The following RBFOX1 variants were observed in gnomAD, a reference collection of about 807,000 sequenced individuals.
RBFOX1 encodes the protein RNA binding fox-1 homolog 1, also known as RNA binding protein fox-1 homolog 1.
RBFOX1 carries 8 observed loss-of-function variants against 57.7 expected under a neutral mutation model. The ratio of observed to expected loss-of-function variants is 0.14; its 90% confidence interval spans 0.08 to 0.25. RBFOX1 has a LOEUF of 0.25. RBFOX1 is among the 10% of genes least tolerant of loss of function. The pLI is 1.00. For missense variants in RBFOX1, 611 were observed against 548.5 expected (o/e 1.11, Z -1.14); for synonymous variants, 326 against 222.4 (o/e 1.47, Z -4.15).
intron 3 of RBFOX1, among the ~76,000 whole-genome samples, chr16:5,615,125 C>T (rs937830005): frequency 1.3e-5 from 2 of 152,198 alleles, no homozygotes; most frequent in African/African-American, 4.8e-5. Context: ...GCCTTGAACT[C>T]CTGGGCTTAA....
chr16:7,431,192 A>G (rs1476228904), intron 4 of RBFOX1: 1 of 152,066 alleles, frequency 6.6e-6, no homozygotes, highest in Non-Finnish European at 1.5e-5. Context: ...TAACTCTAAC[A>G]AGGGATCCTA....
At chr16:6,875,471 G>C (rs1251386308) in intron 3 of RBFOX1, among the ~76,000 whole-genome samples, 1 of 152,054 alleles carries the variant, frequency 6.6e-6, no homozygotes, top group Non-Finnish European at 1.5e-5. Context: ...GAGAGTCTTC[G>C]AATTTTTTGA....
At chr16:5,314,552 G>A (rs751133286) in intron 1 of RBFOX1, among the ~76,000 whole-genome samples, 5 of 152,058 alleles carry the variant, frequency 3.3e-5, no homozygotes, top group African/African-American at 4.8e-5. Context: ...CCAGGCTGGC[G>A]TGCAGTGGTG....
intron 4 of RBFOX1, among the ~76,000 whole-genome samples, chr16:7,065,077 T>C (rs1433155273): frequency 6.6e-6 from 1 of 152,218 alleles, no homozygotes; most frequent in East Asian, 1.9e-4. Context: ...TCACAGCGTG[T>C]TACTTGGTTT....
chr16:6,139,063 GTGT>G (rs1031915492), intron 1 of RBFOX1, among the ~76,000 whole-genome samples: 6 of 152,062 alleles, frequency 3.9e-5, no homozygotes, highest in African/African-American at 1.5e-4. Flanking sequence ...ACAGTTATTA[GTGT>G]TGTTTTTATT....
chr16:6,886,204 G>A (rs1315212327), intron 3 of RBFOX1, among the ~76,000 whole-genome samples: 3 of 151,922 alleles, frequency 2.0e-5, no homozygotes, highest in African/African-American at 4.8e-5. Context: ...TGGGATTACA[G>A]GCGTGTGCTA....
intron 4 of RBFOX1, among the ~76,000 whole-genome samples, chr16:7,147,963 A>G (rs952602941): frequency 2.6e-5 from 4 of 152,162 alleles, no homozygotes; most frequent in Non-Finnish European, 5.9e-5. Context: ...TCAAGGAGTA[A>G]TGCCTAGTTA....
At chr16:6,153,180 C>G (rs1210366753) in intron 1 of RBFOX1, among the ~76,000 whole-genome samples, 1 of 151,698 alleles carries the variant, frequency 6.6e-6, no homozygotes, top group Non-Finnish European at 1.5e-5. Flanking sequence ...TACCCTGAAT[C>G]CGATTTGTAG....
intron 2 of RBFOX1, among the ~76,000 whole-genome samples, chr16:6,496,364 G>C (rs1247010376): frequency 1.3e-5 from 2 of 152,194 alleles, no homozygotes; most frequent in Non-Finnish European, 2.9e-5. Flanking sequence ...TGAACAAGTG[G>C]ATTGGGAACC....
intron 3 of RBFOX1, among the ~76,000 whole-genome samples, chr16:5,628,838 T>C (rs2048419055): frequency 6.6e-6 from 1 of 152,200 alleles, no homozygotes. Flanking sequence ...TCTGTCCTAT[T>C]CTACATGGGC....
chr16:5,332,984 G>A (rs999925808), intron 1 of RBFOX1, among the ~76,000 whole-genome samples: 5 of 152,102 alleles, frequency 3.3e-5, no homozygotes, highest in Non-Finnish European at 7.4e-5. Flanking sequence ...TCAGGAGTTT[G>A]AGACCAGCCT....
intron 4 of RBFOX1, among the ~76,000 whole-genome samples, chr16:7,110,022 T>A (rs1308865947): frequency 6.6e-6 from 1 of 152,058 alleles, no homozygotes; most frequent in Admixed American, 6.6e-5. Flanking sequence ...GGAGGAGTTA[T>A]AATTCACCTG....
In RBFOX1 at chr16:5,587,900, G is replaced by A. The variant is rs7191649; in HGVS notation, c.259-11002G>A. ...TATCAACCTATGTCCTCATGATAAC[G>A]TGTGCGGGAATGCTCACAGTAACAT... On this transcript the variant is annotated intron_variant, in intron 2 of 2. Transcript: ENST00000585867. Among the ~76,000 whole-genome samples, 1,482 of 152,244 alleles carry A rather than the reference G, an allele frequency of 9.7e-3. 32 individuals are homozygous for A. The highest frequency in any genetic ancestry group is 0.035 in the African/African-American group (1,433 of 41,536).
intron 1 of RBFOX1, among the ~76,000 whole-genome samples, chr16:6,232,003 C>A (rs2097465401): frequency 6.6e-6 from 1 of 152,104 alleles, no homozygotes; most frequent in African/African-American, 2.4e-5. Context: ...CCCTCGTTTG[C>A]AATATTATTA....
chr16:6,644,645 C>G (rs1326617314), intron 2 of RBFOX1, among the ~76,000 whole-genome samples: 2 of 152,186 alleles, frequency 1.3e-5, no homozygotes, highest in East Asian at 1.9e-4. Context: ...CATGACAAGT[C>G]TAAGCATCCT....
chr16:6,898,416 T>C (rs2067513576), intron 3 of RBFOX1, among the ~76,000 whole-genome samples: 1 of 152,154 alleles, frequency 6.6e-6, no homozygotes, highest in South Asian at 2.1e-4. Context: ...CATTTCAGCT[T>C]GTTATGTGGC....
At chr16:7,142,754 A>G (rs976616683) in intron 4 of RBFOX1, among the ~76,000 whole-genome samples, 2 of 152,182 alleles carry the variant, frequency 1.3e-5, no homozygotes, top group African/African-American at 4.8e-5. Context: ...ACTGTTTTGT[A>G]TATGACATTC....
chr16:7,446,230 C>T (rs1186800369), intron 4 of RBFOX1, among the ~76,000 whole-genome samples: 1 of 152,176 alleles, frequency 6.6e-6, no homozygotes, highest in Non-Finnish European at 1.5e-5. Flanking sequence ...TGAGTCTCCC[C>T]AGACCCATGC....
intron 3 of RBFOX1, among the ~76,000 whole-genome samples, chr16:6,792,265 T>A (rs2083118192): frequency 6.6e-6 from 1 of 152,198 alleles, no homozygotes; most frequent in Non-Finnish European, 1.5e-5. Context: ...TTTGTAAGAA[T>A]TGTGAAGATT....
Sources: gnomAD v4.1 joint callset for allele counts (sites outside exome capture counted in the v4.1 genomes callset) on GRCh38, gnomAD v4.1.1 for gene constraint, MANE v1.5 for transcripts, NCBI Gene and HGNC (gene_info 2026-07-23, HGNC 2026-07-21) for gene names.